TOP2A: variants seen among roughly 807,000 people sequenced by gnomAD.
The protein encoded by TOP2A is DNA topoisomerase 2-alpha.
Under a neutral mutation model 187.2 loss-of-function variants are expected in TOP2A, and 68 were observed. That is an observed-to-expected ratio of 0.36 (90% CI 0.30 to 0.44). TOP2A has a LOEUF of 0.44. TOP2A is among the 20% of genes least tolerant of loss of function. The pLI, the probability that TOP2A is intolerant of heterozygous loss-of-function variation, is 1.00. For missense variants in TOP2A, 1,196 were observed against 1,808.7 expected (o/e 0.66, Z 6.14); for synonymous variants, 542 against 593.2 (o/e 0.91, Z 1.25).
Position 40,390,095 on chromosome 17 carries a change from G to A in TOP2A, c.4337C>T (p.Ala1446Val). 1 of 1,613,820 alleles carries A rather than the reference G, an allele frequency of 6.2e-7. No homozygotes were observed. ...CTTTTGAGAGACACCAGAATTCAAA[G>A]CTGGATCCCTTTTAGTTCCTTTTGG... ...AAPKGTKRDP[A>V]LNSGVSQKPD... Residue 1446 changes from alanine (A) to valine (V), a missense_variant, in exon 34 of 35, where the codon GCT (alanine) becomes GTT (valine). Transcript: ENST00000423485.
rs1197831792 is a variant in TOP2A at position 40,411,818 on chromosome 17, C to A, written c.790G>T (p.Val264Leu). Residue 264 changes from valine (V) to leucine (L), a missense_variant and splice_region_variant, in exon 8 of 35, where the codon GTA becomes TTA. Val to Leu is a conservative substitution (Grantham distance 32). Transcript: ENST00000423485. This position sits in a 1 kb window ranked among gnomAD's most constrained non-coding sequence, Gnocchi z 4.4. The part of the protein sequence containing the change: ...KVFLNGNKLP[V>L]KGFRSYVDMY... ...TCCACATAACTACGAAATCCTTTTA[C>A]CTGTACAGGAATTAAAGGTAACAGT... The A allele has an allele frequency of 6.3e-7, 1 of 1,581,910 alleles. No individual in the cohort carries two copies. Among genetic ancestry groups the A allele is most frequent in the Admixed American group, 1.9e-5 (1 of 51,508 alleles).
At chr17:40,396,516 A>G in intron 27 of TOP2A, 51 bp from the exon 28 acceptor site, 1 of 1,579,196 alleles carries the variant, frequency 6.3e-7, no homozygotes, top group South Asian at 1.2e-5. Context: ...AAAACATTAC[A>G]ATATCTAAAC....
Position 40,398,926 on chromosome 17 carries a change from T to C in TOP2A, c.3300A>G (p.Glu1100=). The part of the protein sequence containing the change: ...WKEAQQKVPD[E]EENEESDNEK... Reference sequence around the variant, plus strand: ...CGTTGTCACTCTCTTCATTTTCTTCTTCATCTGGAACCTAAAGGATTAATT... The same window carrying C: ...CGTTGTCACTCTCTTCATTTTCTTCCTCATCTGGAACCTAAAGGATTAATT... The change falls in exon 26 of 35, where the codon GAA becomes GAG. Residue 1100 remains glutamate, a synonymous_variant. Transcript: ENST00000423485. The C allele has an allele frequency of 6.2e-7, 1 of 1,608,068 alleles. No homozygotes were observed. The highest frequency in any genetic ancestry group is 8.5e-7 in the Non-Finnish European group (1 of 1,177,554).
chr17:40,395,623 C>T (rs747309122), intron 28 of TOP2A, 84 bp from the exon 29 acceptor site: 31 of 926,856 alleles, frequency 3.3e-5, no homozygotes, highest in Non-Finnish European at 4.0e-5. Context: ...TGGCTGGGAG[C>T]GGTGGCTCAC....
At chr17:40,407,007 T>C (rs915606484) in intron 13 of TOP2A, 65 bp from the exon 14 acceptor site, 2 of 1,329,300 alleles carry the variant, frequency 1.5e-6, no homozygotes, top group African/African-American at 2.9e-5. Context: ...CTAACATCTG[T>C]AATCCCAGAA....
chr17:40,396,385 TTG>T lies in TOP2A; in HGVS notation c.3616_3617del (p.Gln1206AsnfsTer3). 1 of 1,613,996 alleles carries T rather than the reference TTG, an allele frequency of 6.2e-7. No homozygotes were observed. The highest frequency in any genetic ancestry group is 8.5e-7 in the Non-Finnish European group (1 of 1,179,886). ...KGGKAKGKKT[Q>X]MAEVLPSPRG... Reference sequence around the variant, plus strand: ...GCGGAGAAGGCAAAACTTCAGCCATTTGTGTTTTTTTCCCCTTGGCCTTCCCC... The same window carrying T: ...GCGGAGAAGGCAAAACTTCAGCCATTTGTTTTTTTCCCCTTGGCCTTCCCC... On this transcript the variant is annotated frameshift_variant, in exon 28 of 35. Transcript: ENST00000423485. LOFTEE classifies it high-confidence loss of function.
intron 19 of TOP2A, 100 bp downstream of exon 19, chr17:40,404,052 A>G (rs374216067): frequency 1.4e-6 from 2 of 1,439,122 alleles, no homozygotes; most frequent in Non-Finnish European, 1.9e-6. Context: ...GTTCTTTACT[A>G]TGAATATATG....
At chr17:40,392,436 A>C in intron 30 of TOP2A, 95 bp from the exon 31 acceptor site, 1 of 1,489,130 alleles carries the variant, frequency 6.7e-7, no homozygotes, top group Non-Finnish European at 9.1e-7. Flanking sequence ...TTAGTTTTTA[A>C]ATCTCCTGAA....
Position 40,388,607 on chromosome 17 carries a change from C to T in TOP2A, c.*912G>A, listed in dbSNP as rs1002713732. The stretch of plus-strand genomic sequence containing the variant: ...AAAACATAGTAAATATTTACAAAAA[C>T]GTTGATAACATTACTCAAGTCACAC... On this transcript the variant is annotated 3_prime_UTR_variant, in exon 35 of 35. Coordinates refer to ENST00000423485, the MANE Select transcript of TOP2A (RefSeq NM_001067.4). 4 of 183,780 alleles carry T rather than the reference C, an allele frequency of 2.2e-5. No homozygotes were observed. Among genetic ancestry groups the T allele is most frequent in the Admixed American group, 6.3e-5 (1 of 15,988 alleles). The allele number at this position is 183,780 out of a possible 1,614,324, so 11.4% of individuals were successfully genotyped here.
intron 4 of TOP2A, among the ~76,000 whole-genome samples, chr17:40,414,301 A>T (rs1028927633): frequency 6.6e-6 from 1 of 152,078 alleles, no homozygotes; most frequent in African/African-American, 2.4e-5. Context: ...GGGCTCAAGC[A>T]ATCCTCCCAC....
chr17:40,416,532 A>G lies in TOP2A; in HGVS notation c.178-20T>C. The G allele has an allele frequency of 1.3e-6, 2 of 1,537,496 alleles. No homozygotes were observed. Among genetic ancestry groups the G allele is most frequent in the Non-Finnish European group, 1.8e-6 (2 of 1,118,758 alleles). ...CATTTGCTAGAAATAAGGCAAAGAA[A>G]TACTGTTATTTTTATTCTATATTCA... On this transcript the variant is annotated intron_variant, in intron 2 of 34. Coordinates refer to ENST00000423485, the MANE Select transcript of TOP2A (RefSeq NM_001067.4).
chr17:40,396,396 TC>T lies in TOP2A; in HGVS notation c.3606del (p.Thr1205HisfsTer19), dbSNP rs1397927006. ...GLPGKGGKAK[G>X]KKTQMAEVLP... The stretch of plus-strand genomic sequence containing the variant: ...AAAACTTCAGCCATTTGTGTTTTTT[TC>T]CCCTTGGCCTTCCCCCCTTTCCCAG... On this transcript the variant is annotated frameshift_variant, in exon 28 of 35. Transcript: ENST00000423485. LOFTEE classifies it high-confidence loss of function. 3 of 1,614,042 alleles carry T rather than the reference TC, an allele frequency of 1.9e-6. No homozygotes were observed.
At chr17:40,399,319 C>T in intron 24 of TOP2A, 188 bp from the exon 25 acceptor site, 2 of 488,554 alleles carry the variant, frequency 4.1e-6, no homozygotes, top group Non-Finnish European at 7.0e-6. Context: ...CACAAGGGGG[C>T]AGTCAAATCA....
chr17:40,401,552 A>C (rs965623164), intron 20 of TOP2A, among the ~76,000 whole-genome samples: 2 of 152,218 alleles, frequency 1.3e-5, no homozygotes, highest in Admixed American at 6.5e-5. Flanking sequence ...TCTACTAAAA[A>C]TATAAAATTA....
intron 10 of TOP2A, among the ~76,000 whole-genome samples, chr17:40,410,300 T>A (rs982474341): frequency 2.0e-5 from 3 of 152,130 alleles, no homozygotes; most frequent in African/African-American, 7.2e-5. Context: ...GTGAATAAAC[T>A]CTGAGGAGGG....
Position 40,394,442 on chromosome 17 carries a change from C to T in TOP2A, c.3811+1007G>A, listed in dbSNP as rs574657723. 7.2e-5 allele frequency among the ~76,000 whole-genome samples: 11 copies of T among 152,334 alleles called. No homozygotes were observed. The South Asian group carries it at 8.3e-4, about 11-fold the overall frequency. On this transcript the variant is annotated intron_variant, in intron 29 of 34. Coordinates refer to ENST00000423485, the MANE Select transcript of TOP2A (RefSeq NM_001067.4). ...CTGCCTCCTGGGTTCAAGCGACACTCGTGCCTCAGCCTCTCGAGTAGCTGG... is the reference window on the plus strand; with the variant it reads ...CTGCCTCCTGGGTTCAAGCGACACTTGTGCCTCAGCCTCTCGAGTAGCTGG...
chr17:40,408,419 C>A, intron 11 of TOP2A, 73 bp downstream of exon 11: 1 of 1,405,022 alleles, frequency 7.1e-7, no homozygotes, highest in Non-Finnish European at 9.6e-7. Context: ...AAATAAATAT[C>A]CGTGGTATGC....
intron 20 of TOP2A, 21 bp from the exon 21 acceptor site, chr17:40,401,102 A>G: frequency 1.3e-6 from 2 of 1,590,062 alleles, no homozygotes; most frequent in Middle Eastern, 3.3e-4. Flanking sequence ...GAAACAAAGA[A>G]TGTTATTTTA....
In TOP2A at chr17:40,392,198, A is replaced by G. The variant is rs2143622594; in HGVS notation, c.4088+20T>C. On this transcript the variant is annotated intron_variant, in intron 31 of 34. Coordinates refer to ENST00000423485, the MANE Select transcript of TOP2A (RefSeq NM_001067.4). ...ATTAGAAACAATCATGACAAAACCCATATTAGATAAGATACTTGCTTTGGG... is the reference window on the plus strand; with the variant it reads ...ATTAGAAACAATCATGACAAAACCCGTATTAGATAAGATACTTGCTTTGGG... 8 of 1,612,956 alleles carry G rather than the reference A, an allele frequency of 5.0e-6. No individual in the cohort carries two copies. The highest frequency in any genetic ancestry group is 1.7e-5 in the Admixed American group (1 of 59,846).
Sources: allele counts gnomAD v4.1 joint callset (sites outside exome capture counted in the v4.1 genomes callset), GRCh38; gene constraint gnomAD v4.1.1; non-coding constraint Gnocchi (gnomAD v3.1); transcripts MANE v1.5; gene names NCBI Gene and HGNC (gene_info 2026-07-23, HGNC 2026-07-21).